KICS2: variants seen among roughly 807,000 people sequenced by gnomAD.
KICS2 encodes KICSTOR complex protein C12orf66.
A neutral mutation model predicts 31.4 loss-of-function variants in KICS2; 13 were observed. The ratio of observed to expected loss-of-function variants is 0.41; its 90% confidence interval spans 0.27 to 0.66. KICS2 has a LOEUF of 0.66. Among genes scored for constraint, KICS2 ranks in the 30% least tolerant of loss-of-function variants. The pLI, the probability that KICS2 is intolerant of heterozygous loss-of-function variation, is 0.28. For synonymous variants in KICS2, 209 were observed against 214.8 expected (o/e 0.97, Z 0.24); for missense variants, 455 against 545.4 (o/e 0.83, Z 1.65).
intron 2 of KICS2, among the ~76,000 whole-genome samples, chr12:64,195,532 T>C (rs2037425873): frequency 6.6e-6 from 1 of 152,214 alleles, no homozygotes; most frequent in South Asian, 2.1e-4. Flanking sequence ...CCTTATTCAA[T>C]CCTGGTTCCC....
At position 64,193,839 on chromosome 12, in the gene KICS2, C is replaced by G. The variant is rs1281025431; in HGVS notation, c.*3G>C. On this transcript the variant is annotated 3_prime_UTR_variant, in exon 3 of 3. Coordinates refer to ENST00000398055, the MANE Select transcript of KICS2 (RefSeq NM_152440.5). The stretch of plus-strand genomic sequence containing the variant: ...CTTGAAACCCCTCCACGCAAATCAC[C>G]TGCTAACCTTTGGCTCCAGGTTTCA... 1.2e-6 allele frequency: 2 copies of G among 1,609,982 alleles called. No individual in the cohort carries two copies. Among genetic ancestry groups the G allele is most frequent in the South Asian group, 1.1e-5 (1 of 90,356 alleles).
chr12:64,212,160 C>T (rs1370020206), intron 2 of KICS2, among the ~76,000 whole-genome samples: 1 of 152,146 alleles, frequency 6.6e-6, no homozygotes, highest in Non-Finnish European at 1.5e-5. Flanking sequence ...AACAGCTTTA[C>T]TGTTAATTAT....
chr12:64,219,219 CAAGTT>C (rs1053205251), intron 1 of KICS2, among the ~76,000 whole-genome samples: 16 of 152,112 alleles, frequency 1.1e-4, no homozygotes, highest in African/African-American at 3.9e-4. Context: ...CATCAGTTCT[CAAGTT>C]AAGTCATTTT....
intron 2 of KICS2, among the ~76,000 whole-genome samples, chr12:64,212,135 T>C (rs539902413): frequency 1.9e-4 from 27 of 141,294 alleles, no homozygotes; most frequent in Non-Finnish European, 3.6e-4. Flanking sequence ...CATTGTACAG[T>C]CATTTTTTTT....
At chr12:64,220,488 T>A (rs986469207) in intron 1 of KICS2, among the ~76,000 whole-genome samples, 1 of 152,086 alleles carries the variant, frequency 6.6e-6, no homozygotes, top group South Asian at 2.1e-4. Flanking sequence ...CATATATATT[T>A]TTCTGGAGAG....
downstream of KICS2, among the ~76,000 whole-genome samples, chr12:64,190,536 G>A (rs2037370637): frequency 3.9e-5 from 6 of 152,270 alleles, 1 homozygote; most frequent in Middle Eastern, 0.017. Context: ...AAGCTAAAGA[G>A]GGAGGATCAC....
At chr12:64,205,307 T>C (rs1021773730) in intron 2 of KICS2, among the ~76,000 whole-genome samples, 5 of 152,208 alleles carry the variant, frequency 3.3e-5, no homozygotes, top group African/African-American at 1.2e-4. Context: ...TCAACACTTA[T>C]TAAAGATAAA....
At chr12:64,212,667 CAT>C (rs2037592178) in intron 2 of KICS2, among the ~76,000 whole-genome samples, 1 of 152,102 alleles carries the variant, frequency 6.6e-6, no homozygotes, top group African/African-American at 2.4e-5. Context: ...TACGTGTGGA[CAT>C]ATGTTTTCAT....
chr12:64,195,554 A>T (rs1298691509), intron 2 of KICS2, among the ~76,000 whole-genome samples: 1 of 152,214 alleles, frequency 6.6e-6, no homozygotes, highest in Admixed American at 6.5e-5. Context: ...AATTCCCTTC[A>T]TATTAATTAT....
At chr12:64,187,583 T>A (rs1372528670), downstream of KICS2, 1 of 1,510,076 alleles carries the variant, frequency 6.6e-7, no homozygotes, top group Non-Finnish European at 8.9e-7. Context: ...TCTGACTCAT[T>A]TCCTCTGGAG....
At position 64,218,473 on chromosome 12, in the gene KICS2, GAACA is replaced by G. The variant is rs556577253; in HGVS notation, c.236-2514_236-2511del. On this transcript the variant is annotated intron_variant, in intron 1 of 2. Transcript: ENST00000398055. Reference sequence around the variant, plus strand: ...TAACATTTGGTGTGTAATGTGCCTGGAACAAAGAATATATTCTATAATACTAATT... The same window carrying G: ...TAACATTTGGTGTGTAATGTGCCTGGAAGAATATATTCTATAATACTAATT... Among the ~76,000 whole-genome samples the G allele has an allele frequency of 5.3e-5, 8 of 152,164 alleles. No individual in the cohort carries two copies. In the East Asian group the frequency reaches 1.2e-3, roughly 22 times the overall value.
At chr12:64,207,494 T>C (rs1323678656) in intron 2 of KICS2, among the ~76,000 whole-genome samples, 2 of 152,104 alleles carry the variant, frequency 1.3e-5, no homozygotes, top group East Asian at 3.9e-4. Context: ...GCTCCTTTCC[T>C]ACCCATGGAA....
At chr12:64,212,634 A>G (rs1157113304) in intron 2 of KICS2, among the ~76,000 whole-genome samples, 3 of 152,188 alleles carry the variant, frequency 2.0e-5, no homozygotes, top group African/African-American at 7.2e-5. Context: ...TAATGCTGCT[A>G]TGAACATTCA....
chr12:64,196,058 A>T (rs2037433429), intron 2 of KICS2, among the ~76,000 whole-genome samples: 1 of 152,274 alleles, frequency 6.6e-6, no homozygotes. Flanking sequence ...TTGATTAGGT[A>T]AACAAAGCAG....
In KICS2 at chr12:64,209,622, A is replaced by G. The variant is rs150618160; in HGVS notation, c.521+6056T>C. 6.3e-3 allele frequency among the ~76,000 whole-genome samples: 964 copies of G among 152,348 alleles called. 15 individuals are homozygous for G. Among genetic ancestry groups the G allele is most frequent in the African/African-American group, 0.021 (893 of 41,578 alleles). On this transcript the variant is annotated intron_variant, in intron 2 of 2. Transcript: ENST00000398055. ...AAAGTTATAAATTTACCAAAAAGGA[A>G]GCCTTTTTTAACACCATTCTACTGT... is the stretch of plus-strand genomic sequence containing the variant.
chr12:64,195,839 C>T (rs1481243978), intron 2 of KICS2, among the ~76,000 whole-genome samples: 134 of 146,836 alleles, frequency 9.1e-4, no homozygotes, highest in South Asian at 1.5e-3. Context: ...AAAGGGGTGA[C>T]GGACGCACCT....
chr12:64,187,246 G>C (rs1405663680), downstream of KICS2: 2 of 201,888 alleles, frequency 9.9e-6, no homozygotes, highest in African/African-American at 4.6e-5. Context: ...CTCGCCGCAC[G>C]TCTAAGCAGT....
downstream of KICS2, among the ~76,000 whole-genome samples, chr12:64,190,588 G>A (rs1017218427): frequency 1.3e-5 from 2 of 152,102 alleles, no homozygotes; most frequent in African/African-American, 2.4e-5. Context: ...AACATAGTGC[G>A]ACCCTATCTC....
In KICS2 at chr12:64,215,928, G is replaced by A. The variant is rs767306459; in HGVS notation, c.271C>T (p.Arg91Cys). ...TTATGCAATGAAGTATAGATGGTGC[G>A]GATGGAATCCTTCCTGCTGAAGAAA... Reference protein sequence around the residue: ...QSFFSRKDSIRTIYTSLHNEL... With the variant: ...QSFFSRKDSICTIYTSLHNEL... Residue 91 changes from arginine (R) to cysteine (C), a missense_variant, in exon 2 of 3, where the codon CGC (arginine) becomes TGC (cysteine). Transcript: ENST00000398055. The A allele has an allele frequency of 3.7e-6, 6 of 1,613,558 alleles. No homozygotes were observed. Among genetic ancestry groups the A allele is most frequent in the African/African-American group, 1.3e-5 (1 of 75,012 alleles).
Sources: gnomAD v4.1 joint callset for allele counts (sites outside exome capture counted in the v4.1 genomes callset) on GRCh38, gnomAD v4.1.1 for gene constraint, MANE v1.5 for transcripts, NCBI Gene and HGNC (gene_info 2026-07-23, HGNC 2026-07-21) for gene names.